The following TEX2 variants were observed in gnomAD, a reference collection of about 807,000 sequenced individuals.
The protein encoded by TEX2 is testis expressed 2.
TEX2 carries 53 observed loss-of-function variants against 106.9 expected under a neutral mutation model. That is an observed-to-expected ratio of 0.50 (90% CI 0.40 to 0.62). The LOEUF (loss-of-function observed/expected upper bound fraction) is 0.62, where lower values mean the gene tolerates loss of function less well. Among genes scored for constraint, TEX2 ranks in the 20% least tolerant of loss-of-function variants. TEX2 has a pLI of 0.00. For synonymous variants in TEX2, 523 were observed against 534.8 expected (o/e 0.98, Z 0.30); for missense variants, 1,207 against 1,379.0 (o/e 0.88, Z 1.98).
intron 1 of TEX2, among the ~76,000 whole-genome samples, chr17:64,262,597 A>G (rs572393524): frequency 2.0e-5 from 3 of 152,258 alleles, no homozygotes; most frequent in African/African-American, 7.2e-5. Flanking sequence ...CCTCAGCCCA[A>G]TGTCACTTGT....
At chr17:64,239,536 A>G (rs2033840797) in intron 1 of TEX2, among the ~76,000 whole-genome samples, 1 of 152,212 alleles carries the variant, frequency 6.6e-6, no homozygotes, top group Non-Finnish European at 1.5e-5. Context: ...TGAATAAACT[A>G]AGCTTAACTT....
In TEX2 at chr17:64,228,181, C is replaced by G. The variant is rs542335209; in HGVS notation, c.-25-13939G>C. On this transcript the variant is annotated intron_variant, in intron 1 of 11. Coordinates refer to ENST00000584379, the MANE Select transcript of TEX2 (RefSeq NM_001288732.2). Reference sequence around the variant, plus strand: ...TCAATAAAAAATATATAATTTCAAACTCATTGAAAAAAACTTCAAAAACAG... The same window carrying G: ...TCAATAAAAAATATATAATTTCAAAGTCATTGAAAAAAACTTCAAAAACAG... 2.0e-5 allele frequency among the ~76,000 whole-genome samples: 3 copies of G among 152,192 alleles called. No homozygotes were observed. The South Asian group carries it at 6.2e-4, about 32-fold the overall frequency.
intron 5 of TEX2, among the ~76,000 whole-genome samples, chr17:64,181,909 A>G (rs2031884562): frequency 2.0e-5 from 3 of 151,988 alleles, no homozygotes; most frequent in Non-Finnish European, 4.4e-5. Flanking sequence ...TGTGGAAAAC[A>G]GTATTGCGGT....
chr17:64,182,108 A>C (rs978496218), intron 5 of TEX2, among the ~76,000 whole-genome samples: 16 of 152,200 alleles, frequency 1.1e-4, no homozygotes, highest in African/African-American at 3.6e-4. Flanking sequence ...ATGGATAAGC[A>C]AAATGGCGTA....
At position 64,181,745 on chromosome 17, in the gene TEX2, A is replaced by G. The variant is rs554350028; in HGVS notation, c.2425-4274T>C. Among the ~76,000 whole-genome samples the G allele has an allele frequency of 1.8e-3, 278 of 150,968 alleles. 1 individual carries two copies. The highest frequency in any genetic ancestry group is 3.2e-3 in the Non-Finnish European group (220 of 67,808). ...TAGTCAGGCTGGTCTCAAACTCCCA[A>G]CCTCAGGTGATCTGCCTGCCTCGGC... is the stretch of plus-strand genomic sequence containing the variant. On this transcript the variant is annotated intron_variant, in intron 5 of 11. Transcript: ENST00000584379.
At chr17:64,182,220 C>A (rs1014306550) in intron 5 of TEX2, among the ~76,000 whole-genome samples, 2 of 152,078 alleles carry the variant, frequency 1.3e-5, no homozygotes, top group Non-Finnish European at 2.9e-5. Context: ...TGAAATAAGT[C>A]AGTCACAAAA....
At chr17:64,159,776 ACC>A (rs2143651055) in intron 8 of TEX2, among the ~76,000 whole-genome samples, 1 of 152,332 alleles carries the variant, frequency 6.6e-6, no homozygotes, top group East Asian at 1.9e-4. Context: ...TAGCACAGAC[ACC>A]GGTTAGATTG....
At chr17:64,224,910 G>A (rs1237071525) in intron 1 of TEX2, among the ~76,000 whole-genome samples, 6 of 152,086 alleles carry the variant, frequency 3.9e-5, no homozygotes, top group Admixed American at 3.3e-4. Flanking sequence ...AACCATACAA[G>A]GCCTGTGGAG....
intron 7 of TEX2, among the ~76,000 whole-genome samples, chr17:64,163,529 T>G (rs986851149): frequency 6.6e-6 from 1 of 152,154 alleles, no homozygotes; most frequent in African/African-American, 2.4e-5. Context: ...TGCATTCAGA[T>G]GAGGGTAAGA....
intron 5 of TEX2, among the ~76,000 whole-genome samples, chr17:64,182,465 TTATG>T (rs1184556846): frequency 1.3e-5 from 2 of 152,204 alleles, no homozygotes; most frequent in Non-Finnish European, 2.9e-5. Context: ...ATGGCAAACT[TTATG>T]TATTTTACCA....
At chr17:64,225,603 G>A (rs1188013819) in intron 1 of TEX2, among the ~76,000 whole-genome samples, 2 of 152,168 alleles carry the variant, frequency 1.3e-5, no homozygotes, top group African/African-American at 2.4e-5. Flanking sequence ...TTCTTCAGAG[G>A]AATGAATGCC....
intron 5 of TEX2, among the ~76,000 whole-genome samples, chr17:64,187,391 C>CT (rs1237004417): frequency 6.6e-6 from 1 of 152,118 alleles, no homozygotes; most frequent in Non-Finnish European, 1.5e-5. Context: ...ATCTTGGCCT[C>CT]TGCGTTCTCT....
chr17:64,213,706 G>C lies in TEX2; in HGVS notation c.512C>G (p.Pro171Arg), dbSNP rs1410703650. 2.5e-6 allele frequency: 4 copies of C among 1,614,026 alleles called. No homozygotes were observed. The highest frequency in any genetic ancestry group is 3.4e-6 in the Non-Finnish European group (4 of 1,180,040). ...SSPLSSPSKS[P>R]ILSSSASTST... ...GGTTGAGGCACTGGATGAGAGGATGGGAGACTTAGAAGGAGAGGACAATGG... is the reference window on the plus strand; with the variant it reads ...GGTTGAGGCACTGGATGAGAGGATGCGAGACTTAGAAGGAGAGGACAATGG... The change falls in exon 2 of 12, where the codon CCC (proline) becomes CGC (arginine). Residue 171 changes from proline to arginine, a missense_variant. Physicochemically the swap from Pro to Arg is moderately radical, Grantham distance 103. Transcript: ENST00000584379. This position sits in a 1 kb window ranked among gnomAD's most constrained non-coding sequence, Gnocchi z 4.4.
chr17:64,187,252 A>G (rs1258228377), intron 5 of TEX2, among the ~76,000 whole-genome samples: 1 of 152,204 alleles, frequency 6.6e-6, no homozygotes, highest in Non-Finnish European at 1.5e-5. Flanking sequence ...TAAATCTTCA[A>G]AAGCACTGGG....
Position 64,148,789 on chromosome 17 carries a change from T to C in TEX2, c.*180A>G. 4.4e-6 allele frequency: 3 copies of C among 686,690 alleles called. No homozygotes were observed. The highest frequency in any genetic ancestry group is 4.7e-6 in the Non-Finnish European group (2 of 427,664). The allele number at this position is 686,690 out of a possible 1,614,324, so 42.5% of individuals were successfully genotyped here. A position where few individuals can be genotyped will look rare whatever the true frequency, so the allele number is the denominator to read the frequency against. The stretch of plus-strand genomic sequence containing the variant: ...TTGCAGCAGGCAATCCAGACAGTTG[T>C]CACTAGATGCAGGGAATGACACCTC... On this transcript the variant is annotated 3_prime_UTR_variant, in exon 12 of 12. Coordinates refer to ENST00000584379, the MANE Select transcript of TEX2 (RefSeq NM_001288732.2).
intron 1 of TEX2, among the ~76,000 whole-genome samples, chr17:64,262,768 T>A (rs1341392955): frequency 4.6e-5 from 7 of 152,220 alleles, no homozygotes; most frequent in African/African-American, 1.7e-4. Flanking sequence ...TTCTCGACTT[T>A]CAAGCATTTC....
chr17:64,152,416 A>C (rs2030402923), intron 10 of TEX2, among the ~76,000 whole-genome samples: 1 of 152,186 alleles, frequency 6.6e-6, no homozygotes, highest in African/African-American at 2.4e-5. Context: ...TCCAGTCCTC[A>C]GACACCAAAT....
chr17:64,208,595 A>G (rs533961577), intron 2 of TEX2, among the ~76,000 whole-genome samples: 3 of 151,106 alleles, frequency 2.0e-5, no homozygotes, highest in Non-Finnish European at 4.4e-5. Flanking sequence ...CTCCTATTAA[A>G]CCCTATTTTT....
intron 1 of TEX2, among the ~76,000 whole-genome samples, chr17:64,243,565 C>T (rs1373750181): frequency 6.6e-6 from 1 of 152,144 alleles, no homozygotes; most frequent in Non-Finnish European, 1.5e-5. Context: ...GCTAATCTTA[C>T]TGAGGAACAA....
Sources: allele counts gnomAD v4.1 joint callset (sites outside exome capture counted in the v4.1 genomes callset), GRCh38; gene constraint gnomAD v4.1.1; non-coding constraint Gnocchi (gnomAD v3.1); transcripts MANE v1.5; gene names NCBI Gene and HGNC (gene_info 2026-07-23, HGNC 2026-07-21).